Variants in ZNF385B observed in about 807,000 individuals in gnomAD.
ZNF385B encodes zinc finger protein 533.
In ZNF385B, 23 loss-of-function variants were observed where a neutral mutation model predicts 39.2. The ratio of observed to expected loss-of-function variants is 0.59; its 90% CI spans 0.42 to 0.83. The LOEUF (loss-of-function observed/expected upper bound fraction) is 0.83. Among genes scored for constraint, ZNF385B ranks in the 40% least tolerant of loss-of-function variants. The pLI is 0.00. For synonymous variants in ZNF385B, 205 were observed against 222.6 expected (o/e 0.92, Z 0.70); for missense variants, 552 against 598.9 (o/e 0.92, Z 0.82).
intron 1 of ZNF385B, among the ~76,000 whole-genome samples, chr2:179,790,533 T>G (rs2106538227): frequency 6.6e-6 from 1 of 152,274 alleles, no homozygotes; most frequent in Middle Eastern, 3.4e-3. Context: ...GCTAAGAAAC[T>G]TGTGTGTTCA....
At position 179,769,605 on chromosome 2, in the gene ZNF385B, C is replaced by G; in HGVS notation, c.196G>C (p.Val66Leu). ...IQLNSAAQAQ[V>L]HSNGKSHRKR... ...CGGTGGGATTTGCCGTTGGAATGCA[C>G]CTGAGCCTGGGCTGCAGAGTTCAGC... The change falls in exon 3 of 10, where the codon GTG becomes CTG. Residue 66 changes from valine to leucine, a missense_variant. Val to Leu is a conservative substitution (Grantham distance 32, BLOSUM62 1). Transcript: ENST00000410066. The G allele has an allele frequency of 6.2e-7, 1 of 1,614,162 alleles. No homozygotes were observed. Among genetic ancestry groups the G allele is most frequent in the South Asian group, 1.1e-5 (1 of 91,084 alleles).
intron 1 of ZNF385B, among the ~76,000 whole-genome samples, chr2:179,847,655 T>C (rs772790916): frequency 1.3e-5 from 2 of 152,130 alleles, no homozygotes; most frequent in Non-Finnish European, 2.9e-5. Flanking sequence ...GGCAATGCCA[T>C]TGGACCAAAG....
At chr2:179,696,230 TAAA>T (rs1262721482) in intron 3 of ZNF385B, among the ~76,000 whole-genome samples, 3 of 145,988 alleles carry the variant, frequency 2.1e-5, no homozygotes, top group Non-Finnish European at 4.5e-5. Flanking sequence ...GTGAATATAC[TAAA>T]AAACACAAAA....
At chr2:179,839,765 C>T (rs1438572796) in intron 1 of ZNF385B, among the ~76,000 whole-genome samples, 3 of 152,114 alleles carry the variant, frequency 2.0e-5, no homozygotes, top group South Asian at 2.1e-4. Context: ...ACCACCCCTA[C>T]GCCCAAGGGG....
intron 3 of ZNF385B, among the ~76,000 whole-genome samples, chr2:179,653,290 A>G (rs565110170): frequency 1.3e-5 from 2 of 152,290 alleles, no homozygotes; most frequent in African/African-American, 2.4e-5. Flanking sequence ...GACCCCGTGC[A>G]CTACTGCTGC....
Position 179,443,066 on chromosome 2 carries a change from C to A in ZNF385B, c.*184G>T. On this transcript the variant is annotated 3_prime_UTR_variant, in exon 10 of 10. Coordinates refer to ENST00000410066, the MANE Select transcript of ZNF385B (RefSeq NM_152520.6). ...GCTGCTGATTCCTCAATTATAGGAG[C>A]AGTCTCTAAAAGCCCTCGTCAATCT... 1.4e-6 allele frequency: 1 copy of A among 693,094 alleles called. No homozygotes were observed. The highest frequency in any genetic ancestry group is 2.5e-6 in the Non-Finnish European group (1 of 394,918). The allele number at this position is 693,094 out of a possible 1,614,324, so 42.9% of individuals were successfully genotyped here. A position where few individuals can be genotyped will look rare whatever the true frequency, so the allele number is the denominator to read the frequency against.
chr2:179,809,293 C>T (rs1706587205), intron 1 of ZNF385B, among the ~76,000 whole-genome samples: 3 of 152,118 alleles, frequency 2.0e-5, no homozygotes, highest in Admixed American at 1.3e-4. Context: ...ATGAAGAGAA[C>T]TCGTAAAGAG....
At chr2:179,516,424 C>G (rs1245567346) in intron 5 of ZNF385B, among the ~76,000 whole-genome samples, 1 of 152,102 alleles carries the variant, frequency 6.6e-6, no homozygotes, top group Non-Finnish European at 1.5e-5. Context: ...GGTCCAGTTG[C>G]TCCTCATCCT....
intron 1 of ZNF385B, among the ~76,000 whole-genome samples, chr2:179,779,922 T>C (rs1405068019): frequency 1.3e-5 from 2 of 152,222 alleles, no homozygotes; most frequent in African/African-American, 4.8e-5. Context: ...AAAGAAATAA[T>C]TTTTAAGTAC....
chr2:179,783,908 G>A (rs1050347182), intron 1 of ZNF385B, among the ~76,000 whole-genome samples: 1 of 152,158 alleles, frequency 6.6e-6, no homozygotes, highest in African/African-American at 2.4e-5. Context: ...GTGGAACACA[G>A]CATGGTGATT....
At chr2:179,696,630 C>G (rs1402700239) in intron 3 of ZNF385B, among the ~76,000 whole-genome samples, 1 of 152,086 alleles carries the variant, frequency 6.6e-6, no homozygotes, top group Non-Finnish European at 1.5e-5. Context: ...ATGAGCAGCA[C>G]TGGCCCACCT....
At position 179,809,708 on chromosome 2, in the gene ZNF385B, C is replaced by CA. The variant is rs917845795; in HGVS notation, c.-154-39037dup. ...CCTAATGGGTCACGTGGGACACGAG[C>CA]AAAAAATCCATCGTATCTAAATAAC... On this transcript the variant is annotated intron_variant, in intron 1 of 9. Transcript: ENST00000410066. Among the ~76,000 whole-genome samples, 27 of 151,798 alleles carry CA rather than the reference C, an allele frequency of 1.8e-4. 1 individual carries two copies. Among genetic ancestry groups the CA allele is most frequent in the Admixed American group, 1.4e-3 (22 of 15,258 alleles).
chr2:179,446,857 T>C, intron 6 of ZNF385B, 87 bp from the exon 7 acceptor site: 1 of 1,481,028 alleles, frequency 6.8e-7, no homozygotes, highest in Non-Finnish European at 9.0e-7. Context: ...AAAATAGAAA[T>C]TTGATTCTTA....
intron 3 of ZNF385B, among the ~76,000 whole-genome samples, chr2:179,592,637 G>T (rs1687663290): frequency 2.0e-5 from 3 of 151,894 alleles, no homozygotes; most frequent in African/African-American, 4.8e-5. Context: ...TTACAGAAAA[G>T]AATATAATAT....
At chr2:179,521,291 A>G (rs1424014145) in intron 4 of ZNF385B, among the ~76,000 whole-genome samples, 3 of 150,026 alleles carry the variant, frequency 2.0e-5, no homozygotes, top group Admixed American at 2.0e-4. Context: ...AGTTCAAGCA[A>G]TTCTCCTGTC....
At chr2:179,705,409 T>A (rs1019932347) in intron 3 of ZNF385B, among the ~76,000 whole-genome samples, 5 of 152,224 alleles carry the variant, frequency 3.3e-5, no homozygotes, top group African/African-American at 1.2e-4. Flanking sequence ...GGTGTTGGGT[T>A]CACCATCTTT....
At chr2:179,787,672 G>A (rs1011818229) in intron 1 of ZNF385B, among the ~76,000 whole-genome samples, 2 of 152,122 alleles carry the variant, frequency 1.3e-5, no homozygotes, top group Admixed American at 6.6e-5. Context: ...TCGTTGAAAC[G>A]GTCTAGGCTG....
intron 3 of ZNF385B, among the ~76,000 whole-genome samples, chr2:179,658,694 GA>G (rs1267164440): frequency 6.6e-6 from 1 of 152,160 alleles, no homozygotes; most frequent in Non-Finnish European, 1.5e-5. Context: ...TAAATACACT[GA>G]AAAGTAAAAG....
At chr2:179,609,938 T>G (rs1689150812) in intron 3 of ZNF385B, among the ~76,000 whole-genome samples, 1 of 152,192 alleles carries the variant, frequency 6.6e-6, no homozygotes, top group South Asian at 2.1e-4. Context: ...ATTGCTTGAG[T>G]TCCATATATA....
Sources: gnomAD v4.1 joint callset for allele counts (sites outside exome capture counted in the v4.1 genomes callset) on GRCh38, gnomAD v4.1.1 for gene constraint, MANE v1.5 for transcripts, NCBI Gene and HGNC (gene_info 2026-07-23, HGNC 2026-07-21) for gene names.